Variants in MBNL1 observed in about 807,000 individuals in gnomAD.
The protein encoded by MBNL1 is muscleblind like splicing regulator 1.
Under a neutral mutation model 42.2 loss-of-function variants are expected in MBNL1, and 8 were observed. The ratio of observed to expected loss-of-function variants is 0.19; its 90% CI spans 0.11 to 0.34. MBNL1 has a LOEUF of 0.34. Ranked by LOEUF, MBNL1 falls within the 10% of genes least tolerant of loss-of-function variation. The pLI, the probability that MBNL1 is intolerant of heterozygous loss-of-function variation, is 1.00. For synonymous variants in MBNL1, 169 were observed against 173.9 expected, an observed-to-expected ratio of 0.97 and a Z score of 0.22; for missense variants, 309 against 495.3, an observed-to-expected ratio of 0.62 and a Z score of 3.57.
chr3:152,301,284 A>G (rs1194455622), intron 2 of MBNL1, among the ~76,000 whole-genome samples: 3 of 152,202 alleles, frequency 2.0e-5, no homozygotes, highest in Non-Finnish European at 4.4e-5. Flanking sequence ...AAGACTAGAA[A>G]TGTGTTCCTG....
intron 4 of MBNL1, among the ~76,000 whole-genome samples, chr3:152,443,741 T>C (rs2099179048): frequency 6.6e-6 from 1 of 152,176 alleles, no homozygotes; most frequent in Non-Finnish European, 1.5e-5. Context: ...AAGATAAATA[T>C]GCTAATAAAA....
intron 1 of MBNL1, among the ~76,000 whole-genome samples, chr3:152,285,619 T>C (rs2150598037): frequency 6.7e-6 from 1 of 148,340 alleles, no homozygotes; most frequent in South Asian, 2.2e-4. Context: ...TGGAAACTTT[T>C]TTTTTTTCAA....
Position 152,445,421 on chromosome 3 carries a change from C to T in MBNL1, c.689C>T (p.Ser230Phe), listed in dbSNP as rs1450598002. The part of the protein sequence containing the change: ...VCMDYIKGRC[S>F]REKCKYFHPP... ...ATGGATTACATCAAAGGGAGATGCT[C>T]TCGGGAAAAGTGCAAATACTTTCAT... Residue 230 changes from serine to phenylalanine, a missense_variant, in exon 5 of 10, where the codon TCT becomes TTT. Coordinates refer to ENST00000324210, the MANE Select transcript of MBNL1 (RefSeq NM_021038.5). 3 of 1,613,972 alleles carry T rather than the reference C, an allele frequency of 1.9e-6. No homozygotes were observed. Among genetic ancestry groups the T allele is most frequent in the Non-Finnish European group, 2.5e-6 (3 of 1,179,976 alleles).
At position 152,376,774 on chromosome 3, in the gene MBNL1, A is replaced by G. The variant is rs566764482; in HGVS notation, c.175-38167A>G. 9.3e-5 allele frequency among the ~76,000 whole-genome samples: 14 copies of G among 151,248 alleles called. No individual in the cohort carries two copies. In the South Asian group the frequency reaches 1.7e-3, roughly 18 times the overall value. On this transcript the variant is annotated intron_variant, in intron 2 of 9. Coordinates refer to ENST00000324210, the MANE Select transcript of MBNL1 (RefSeq NM_021038.5). ...CTGAGGGGTGCCACGCACTCTCTCT[A>G]TATATATACGCACACACACACGTGC... is the stretch of plus-strand genomic sequence containing the variant.
intron 3 of MBNL1, among the ~76,000 whole-genome samples, chr3:152,418,991 C>T (rs1165085576): frequency 1.3e-5 from 2 of 152,140 alleles, no homozygotes; most frequent in African/African-American, 4.8e-5. Context: ...GCTGGGATTA[C>T]AGGCGTGAGC....
Position 152,406,456 on chromosome 3 carries a change from G to A in MBNL1, c.175-8485G>A, listed in dbSNP as rs1282967329. Among the ~76,000 whole-genome samples the A allele has an allele frequency of 3.3e-5, 5 of 152,108 alleles. No homozygotes were observed. In the South Asian group the frequency reaches 6.2e-4, roughly 19 times the overall value. On this transcript the variant is annotated intron_variant, in intron 2 of 9. Transcript: ENST00000324210. ...TTTCTCACAGGCAAAAGCTGCTGGAGAAAAAAGTGGTATTTTTTGTCACAA... is the reference window on the plus strand; with the variant it reads ...TTTCTCACAGGCAAAAGCTGCTGGAAAAAAAAGTGGTATTTTTTGTCACAA...
chr3:152,411,676 G>A (rs183671362), intron 2 of MBNL1, among the ~76,000 whole-genome samples: 1 of 152,242 alleles, frequency 6.6e-6, no homozygotes, highest in East Asian at 1.9e-4. Context: ...TTTAGATACC[G>A]ATGAATTTCT....
At chr3:152,281,704 G>A (rs979826088) in intron 1 of MBNL1, among the ~76,000 whole-genome samples, 5 of 152,028 alleles carry the variant, frequency 3.3e-5, no homozygotes, top group Non-Finnish European at 5.9e-5. Flanking sequence ...TTGCTGAATG[G>A]CACCTTTTAA....
intron 2 of MBNL1, among the ~76,000 whole-genome samples, chr3:152,345,212 A>G (rs2094039706): frequency 6.6e-6 from 1 of 152,064 alleles, no homozygotes; most frequent in African/African-American, 2.4e-5. Flanking sequence ...CAAAAGTTAA[A>G]CTCATCGTAA....
At chr3:152,399,219 G>T (rs1340312965) in intron 2 of MBNL1, among the ~76,000 whole-genome samples, 2 of 152,214 alleles carry the variant, frequency 1.3e-5, no homozygotes, top group Middle Eastern at 3.4e-3. Context: ...CTGAAATTTG[G>T]TATAAAATAT....
At chr3:152,261,256 C>T (rs1236781815) in intron 2 of MBNL1, among the ~76,000 whole-genome samples, 1 of 152,110 alleles carries the variant, frequency 6.6e-6, no homozygotes, top group Non-Finnish European at 1.5e-5. Flanking sequence ...AACCACCGCC[C>T]TAGTTTCAGT....
chr3:152,307,569 T>G (rs757813442), intron 2 of MBNL1, among the ~76,000 whole-genome samples: 2 of 152,208 alleles, frequency 1.3e-5, no homozygotes, highest in Non-Finnish European at 2.9e-5. Flanking sequence ...CTCATCGAGA[T>G]AGTTACTGGT....
At chr3:152,391,460 A>G (rs932080542) in intron 2 of MBNL1, among the ~76,000 whole-genome samples, 1 of 152,166 alleles carries the variant, frequency 6.6e-6, no homozygotes, top group Admixed American at 6.5e-5. Context: ...CCAGTTCTTC[A>G]TACCTATAAA....
At chr3:152,333,296 C>T (rs2086657599) in intron 2 of MBNL1, among the ~76,000 whole-genome samples, 1 of 152,148 alleles carries the variant, frequency 6.6e-6, no homozygotes. Flanking sequence ...CTGAGAATCA[C>T]ATAAAATGTT....
chr3:152,459,230 G>T, intron 8 of MBNL1, 41 bp from the exon 9 acceptor site: 2 of 1,122,536 alleles, frequency 1.8e-6, no homozygotes, highest in Non-Finnish European at 1.3e-6. Context: ...TTGTTGGCTT[G>T]CTTGCATGGA....
chr3:152,353,486 C>G (rs1476961886), intron 2 of MBNL1, among the ~76,000 whole-genome samples: 1 of 151,990 alleles, frequency 6.6e-6, no homozygotes, highest in African/African-American at 2.4e-5. Context: ...GATTTGTCTC[C>G]TTTTTTGTGT....
intron 3 of MBNL1, among the ~76,000 whole-genome samples, chr3:152,428,258 G>A (rs2098961576): frequency 6.6e-6 from 1 of 152,154 alleles, no homozygotes; most frequent in South Asian, 2.1e-4. Flanking sequence ...AATGTTTGTA[G>A]AAGATCTGTA....
intron 2 of MBNL1, among the ~76,000 whole-genome samples, chr3:152,347,085 G>A (rs946865313): frequency 6.6e-6 from 1 of 151,820 alleles, no homozygotes; most frequent in South Asian, 2.1e-4. Flanking sequence ...GAGAGATTGA[G>A]CTCATGCTTT....
In MBNL1 at chr3:152,464,268, T is replaced by A. The variant is rs1749189906; in HGVS notation, c.*1902T>A. On this transcript the variant is annotated 3_prime_UTR_variant, in exon 10 of 10. Coordinates refer to ENST00000324210, the MANE Select transcript of MBNL1 (RefSeq NM_021038.5). ...AAGTAGTTTTTCCTTCATAACATAC[T>A]CAGTTTTGAATTACATGTAGTGTCA... 6.6e-6 allele frequency: 1 copy of A among 152,578 alleles called. No homozygotes were observed. The highest frequency in any genetic ancestry group is 2.4e-5 in the African/African-American group (1 of 41,448). 9.5% of individuals were successfully genotyped at this position (152,578 alleles called of 1,614,324 possible).
Sources: allele counts gnomAD v4.1 joint callset (sites outside exome capture counted in the v4.1 genomes callset), GRCh38; gene constraint gnomAD v4.1.1; transcripts MANE v1.5; gene names NCBI Gene and HGNC (gene_info 2026-07-23, HGNC 2026-07-21).